POLDIP3: variants seen among roughly 807,000 people sequenced by gnomAD.
POLDIP3 encodes the protein polymerase delta-interacting protein 3.
POLDIP3 carries 14 observed loss-of-function variants against 45.1 expected under a neutral mutation model. The ratio of observed to expected loss-of-function variants is 0.31; its 90% CI spans 0.20 to 0.49. The LOEUF (loss-of-function observed/expected upper bound fraction) is 0.49, where lower values mean the gene tolerates loss of function less well. Ranked by LOEUF, POLDIP3 falls within the 20% of genes least tolerant of loss-of-function variation. The pLI, the probability that POLDIP3 is intolerant of heterozygous loss-of-function variation, is 0.99. For missense variants in POLDIP3, 511 were observed against 538.8 expected, an observed-to-expected ratio of 0.95 and a Z score of 0.51; for synonymous variants, 223 against 205.2, an observed-to-expected ratio of 1.09 and a Z score of -0.74.
chr22:42,594,441 G>A (rs563087376), intron 6 of POLDIP3, among the ~76,000 whole-genome samples: 21 of 151,834 alleles, frequency 1.4e-4, no homozygotes, highest in Admixed American at 9.8e-4. Flanking sequence ...AGCCTGGGAG[G>A]CAGAGGTTGC....
In POLDIP3 at chr22:42,596,476, CTCTAAT is replaced by C. The variant is rs138014218; in HGVS notation, c.634-117_634-112del. 4.0e-4 allele frequency: 431 copies of C among 1,076,758 alleles called. 1 individual carries two copies. The African/African-American group carries it at 6.3e-3, about 16-fold the overall frequency. 66.7% of individuals were successfully genotyped at this position (1,076,758 alleles called of 1,614,324 possible). A position where few individuals can be genotyped will look rare whatever the true frequency, so the allele number is the denominator to read the frequency against. On this transcript the variant is annotated intron_variant, in intron 4 of 8. Coordinates refer to ENST00000252115, the MANE Select transcript of POLDIP3 (RefSeq NM_032311.5). ...CATGAACCCTCGATGCCTCCCAGCT[CTCTAAT>C]TCTATTAGAGGTCTGGAGCCAAAAA...
chr22:42,585,611 G>A lies in POLDIP3; in HGVS notation c.*180C>T. The A allele has an allele frequency of 4.4e-6, 3 of 686,914 alleles. No individual in the cohort carries two copies. Among genetic ancestry groups the A allele is most frequent in the Non-Finnish European group, 7.5e-6 (3 of 398,420 alleles). The allele number at this position is 686,914 out of a possible 1,614,324, so 42.6% of individuals were successfully genotyped here. A position where few individuals can be genotyped will look rare whatever the true frequency, so the allele number is the denominator to read the frequency against. On this transcript the variant is annotated 3_prime_UTR_variant, in exon 9 of 9. Coordinates refer to ENST00000252115, the MANE Select transcript of POLDIP3 (RefSeq NM_032311.5). ...AGGAAACGTTAACGTAGAGAGAAGA[G>A]CACAGGGCAGAACACAACACAGAAA...
rs556318723 is a variant in POLDIP3, at chr22:42,598,457, T to C, written c.633+1241A>G. ...TAGTAGAGACGGGGTTTCACCATGT[T>C]TGCCAGGATGGTCTCGATCTCCTGA... is the stretch of plus-strand genomic sequence containing the variant. On this transcript the variant is annotated intron_variant, in intron 4 of 8. Transcript: ENST00000252115. Among the ~76,000 whole-genome samples, 70 of 151,914 alleles carry C rather than the reference T, an allele frequency of 4.6e-4. 1 individual carries two copies. In the South Asian group the frequency reaches 0.014, roughly 31 times the overall value.
At chr22:42,608,799 G>A (rs769898757) in intron 1 of POLDIP3, among the ~76,000 whole-genome samples, 7 of 152,122 alleles carry the variant, frequency 4.6e-5, no homozygotes, top group Non-Finnish European at 7.4e-5. Flanking sequence ...GGAGTTAACG[G>A]TAGTTGAGGA....
intron 3 of POLDIP3, among the ~76,000 whole-genome samples, chr22:42,601,331 A>G (rs113455864): frequency 0.015 from 2,216 of 150,946 alleles, 58 homozygotes; most frequent in African/African-American, 0.05. Flanking sequence ...TGGGCAATAT[A>G]GCGAGACCCC....
rs1925694623 is a variant in POLDIP3, at chr22:42,591,995, G to A, written c.981C>T (p.Ala327=). The change falls in exon 7 of 9, where the codon GCC becomes GCT. Residue 327 remains alanine (A), a synonymous_variant. Coordinates refer to ENST00000252115, the MANE Select transcript of POLDIP3 (RefSeq NM_032311.5). ...TGTTGTACTTCTTATATGCGGTGAT[G>A]GCATCGTCCTTTTTCACAAACACCA... ...AEVVFVKKDD[A]ITAYKKYNNR... 6.2e-7 allele frequency: 1 copy of A among 1,614,182 alleles called. No individual in the cohort carries two copies. Among genetic ancestry groups the A allele is most frequent in the South Asian group, 1.1e-5 (1 of 91,086 alleles).
chr22:42,599,967 T>C (rs1002085247), intron 3 of POLDIP3, among the ~76,000 whole-genome samples, 174 bp from the exon 4 acceptor site: 1 of 152,144 alleles, frequency 6.6e-6, no homozygotes, highest in African/African-American at 2.4e-5. Flanking sequence ...ACAGGCTAAC[T>C]CCCTGTCAGC....
At chr22:42,601,463 A>G (rs762306014) in intron 3 of POLDIP3, among the ~76,000 whole-genome samples, 6 of 151,140 alleles carry the variant, frequency 4.0e-5, no homozygotes, top group Admixed American at 3.9e-4. Context: ...CCCTTCCTCT[A>G]TTAAGAAGTT....
rs374787324 is a variant in POLDIP3 at position 42,596,382 on chromosome 22, A to C, written c.634-17T>G. On this transcript the variant is annotated splice_polypyrimidine_tract_variant and intron_variant, in intron 4 of 8. Transcript: ENST00000252115. ...TAGCCCAGCCTAAACGAAGAGACAG[A>C]AAAGAATCTGAGAAGCCAGACCTGC... is the stretch of plus-strand genomic sequence containing the variant. 4.3e-5 allele frequency: 69 copies of C among 1,608,608 alleles called. No homozygotes were observed. In the African/African-American group the frequency reaches 8.1e-4, roughly 19 times the overall value.
chr22:42,594,889 A>G (rs1045325937), intron 6 of POLDIP3, among the ~76,000 whole-genome samples: 1 of 152,226 alleles, frequency 6.6e-6, no homozygotes, highest in African/African-American at 2.4e-5. Context: ...GATACTGCCC[A>G]GTGGGACTAA....
In POLDIP3 at chr22:42,584,997, G is replaced by A. The variant is rs918272501; in HGVS notation, c.*794C>T. The A allele has an allele frequency of 3.1e-5, 14 of 456,194 alleles. No individual in the cohort carries two copies. Among genetic ancestry groups the A allele is most frequent in the Admixed American group, 7.0e-5 (3 of 42,568 alleles). 28.3% of individuals were successfully genotyped at this position (456,194 alleles called of 1,614,324 possible). On this transcript the variant is annotated 3_prime_UTR_variant, in exon 9 of 9. Transcript: ENST00000252115. ...ACCAGGGTGTGGTTAAGTGCCAGGC[G>A]AGGTGAGAACCGGGAGGGCTCACAA... is the stretch of plus-strand genomic sequence containing the variant.
At chr22:42,601,284 G>A (rs1284497464) in intron 3 of POLDIP3, among the ~76,000 whole-genome samples, 3 of 149,846 alleles carry the variant, frequency 2.0e-5, no homozygotes, top group African/African-American at 4.9e-5. Context: ...GCTAAGAGGC[G>A]GGAGGATAGC....
intron 1 of POLDIP3, among the ~76,000 whole-genome samples, chr22:42,611,977 C>G (rs1348984339): frequency 6.6e-6 from 1 of 152,220 alleles, no homozygotes; most frequent in Non-Finnish European, 1.5e-5. Flanking sequence ...ACAGGGACCA[C>G]TGGATCTAGT....
At position 42,602,868 on chromosome 22, in the gene POLDIP3, G is replaced by T; in HGVS notation, c.352C>A (p.Arg118=). The T allele has an allele frequency of 6.2e-7, 1 of 1,613,610 alleles. No individual in the cohort carries two copies. The highest frequency in any genetic ancestry group is 8.5e-7 in the Non-Finnish European group (1 of 1,180,012). The change falls in exon 2 of 9, where the codon CGG becomes AGG. Residue 118 remains arginine, a synonymous_variant. Coordinates refer to ENST00000252115, the MANE Select transcript of POLDIP3 (RefSeq NM_032311.5). ...PQKPRQVADA[R]EKISLKRSSP... ...CTCCTCTTCAAGCTGATCTTCTCCC[G>T]GGCATCAGCAACCTGGCGGGGCTTC...
At position 42,591,988 on chromosome 22, in the gene POLDIP3, C is replaced by T. The variant is rs756165273; in HGVS notation, c.988G>A (p.Ala330Thr). The change falls in exon 7 of 9, where the codon GCA (alanine) becomes ACA (threonine). Residue 330 changes from alanine to threonine, a missense_variant. This residue lies in a region of POLDIP3 where 66 missense variants were observed against 118.1 expected (regional missense o/e 0.56). Transcript: ENST00000252115. Reference sequence around the variant, plus strand: ...CACCGGTTGTTGTACTTCTTATATGCGGTGATGGCATCGTCCTTTTTCACA... The same window carrying T: ...CACCGGTTGTTGTACTTCTTATATGTGGTGATGGCATCGTCCTTTTTCACA... ...VFVKKDDAIT[A>T]YKKYNNRCLD... The T allele has an allele frequency of 5.6e-6, 9 of 1,614,112 alleles. No homozygotes were observed. The highest frequency in any genetic ancestry group is 3.3e-5 in the Admixed American group (2 of 60,004).
At chr22:42,600,444 G>C (rs1273422864) in intron 3 of POLDIP3, among the ~76,000 whole-genome samples, 1 of 151,306 alleles carries the variant, frequency 6.6e-6, no homozygotes, top group Non-Finnish European at 1.5e-5. Context: ...GGCTAACATG[G>C]TGAAACCCCG....
rs536456901 is a variant in POLDIP3 at position 42,608,905 on chromosome 22, C to G, written c.60-5745G>C. 2.0e-3 allele frequency among the ~76,000 whole-genome samples: 297 copies of G among 152,304 alleles called. 3 individuals are homozygous for G. The highest frequency in any genetic ancestry group is 7.0e-3 in the African/African-American group (291 of 41,566). On this transcript the variant is annotated intron_variant, in intron 1 of 8. Transcript: ENST00000252115. Reference sequence around the variant, plus strand: ...TTCCACCAGTGCTTTCAACTTCTTTCGTGAACAGCTTGAGGGGGCTTCAGT... The same window carrying G: ...TTCCACCAGTGCTTTCAACTTCTTTGGTGAACAGCTTGAGGGGGCTTCAGT...
intron 1 of POLDIP3, among the ~76,000 whole-genome samples, chr22:42,610,861 T>C (rs1325979800): frequency 6.6e-6 from 1 of 152,100 alleles, no homozygotes; most frequent in Non-Finnish European, 1.5e-5. Context: ...AGCTGTGATC[T>C]TGCCACTGCA....
chr22:42,602,134 A>T (rs1926430124), intron 2 of POLDIP3, 78 bp from the exon 3 acceptor site: 1 of 1,603,796 alleles, frequency 6.2e-7, no homozygotes, highest in South Asian at 1.1e-5. Context: ...ACTGAACTTG[A>T]TACATGGTGG....
Sources: allele counts gnomAD v4.1 joint callset (sites outside exome capture counted in the v4.1 genomes callset), GRCh38; gene constraint gnomAD v4.1.1; regional missense constraint gnomAD v4.1.1; transcripts MANE v1.5; gene names NCBI Gene and HGNC (gene_info 2026-07-23, HGNC 2026-07-21).